Variants in CDH18 observed in about 807,000 individuals in gnomAD.
The protein encoded by CDH18 is cadherin-18.
Under a neutral mutation model 67.9 loss-of-function variants are expected in CDH18, and 31 were observed. That is an observed-to-expected ratio of 0.46 (90% confidence interval 0.34 to 0.62). The LOEUF (loss-of-function observed/expected upper bound fraction) is 0.62. Among genes scored for constraint, CDH18 ranks in the 20% least tolerant of loss-of-function variants. CDH18 has a pLI of 0.01. For missense variants in CDH18, 890 were observed against 975.5 expected (o/e 0.91, Z 1.17); for synonymous variants, 362 against 347.2 (o/e 1.04, Z -0.48).
chr5:20,493,886 A>T (rs1753740640), intron 1 of CDH18, among the ~76,000 whole-genome samples: 1 of 152,056 alleles, frequency 6.6e-6, no homozygotes, highest in Admixed American at 6.6e-5. Context: ...GTCCATTTCC[A>T]TACTCAGTCT....
At chr5:20,262,255 A>G (rs550715828) in intron 1 of CDH18, among the ~76,000 whole-genome samples, 51 of 152,330 alleles carry the variant, frequency 3.3e-4, no homozygotes, top group African/African-American at 1.2e-3. Flanking sequence ...TCATTAGCTA[A>G]TGAGATGTGC....
At chr5:20,519,184 A>G (rs184180696) in intron 1 of CDH18, among the ~76,000 whole-genome samples, 6 of 152,318 alleles carry the variant, frequency 3.9e-5, no homozygotes, top group East Asian at 3.9e-4. Context: ...AAAAATGACA[A>G]AGACACTTTC....
intron 1 of CDH18, among the ~76,000 whole-genome samples, chr5:19,982,451 A>G (rs1032923917): frequency 6.6e-6 from 1 of 152,166 alleles, no homozygotes; most frequent in Non-Finnish European, 1.5e-5. Context: ...CATAAAATTT[A>G]GTATCAAGCT....
intron 2 of CDH18, among the ~76,000 whole-genome samples, chr5:19,850,861 C>A (rs16888191): frequency 0.017 from 2,566 of 151,866 alleles, 66 homozygotes; most frequent in African/African-American, 0.058. Flanking sequence ...TTATTTGCAA[C>A]GTGCTGTACA....
At position 19,574,730 on chromosome 5, in the gene CDH18, C is replaced by G. The variant is rs1279670887; in HGVS notation, c.1000-2898G>C. 2.1e-4 allele frequency among the ~76,000 whole-genome samples: 32 copies of G among 149,802 alleles called. No homozygotes were observed. The East Asian group carries it at 6.0e-3, about 28-fold the overall frequency. On this transcript the variant is annotated intron_variant, in intron 7 of 12. Transcript: ENST00000382275. ...TGAGTAAACTATTAAAGTTGTCTTC[C>G]ACGCTTTCTTAGTTAAAAAAAAAAA...
rs141378092 is a variant in CDH18 at position 19,475,455 on chromosome 5, C to G, written c.1883-1739G>C. ...ATCAGAATTCAAAATATGGTTTCTA[C>G]TGAATGCATATTGCTTTCACATCCT... On this transcript the variant is annotated intron_variant, in intron 12 of 12. Transcript: ENST00000382275. 2.2e-3 allele frequency among the ~76,000 whole-genome samples: 331 copies of G among 151,440 alleles called. 1 individual carries two copies. The highest frequency in any genetic ancestry group is 7.4e-3 in the African/African-American group (307 of 41,312).
At chr5:19,502,721 C>T in intron 11 of CDH18, 1 of 485,658 alleles carries the variant, frequency 2.1e-6, no homozygotes, top group South Asian at 4.1e-5. Context: ...ACAAGTTTGT[C>T]AGCTAAGATT....
intron 2 of CDH18, among the ~76,000 whole-genome samples, chr5:20,238,677 C>T (rs1398876223): frequency 3.9e-5 from 6 of 152,120 alleles, no homozygotes; most frequent in Non-Finnish European, 8.8e-5. Context: ...AGCTATTCCA[C>T]TCCTTGGCAT....
chr5:20,486,675 A>ATTT (rs11461266), intron 1 of CDH18, among the ~76,000 whole-genome samples: 1 of 145,212 alleles, frequency 6.9e-6, no homozygotes, highest in African/African-American at 2.6e-5. Flanking sequence ...ACCTGTTGCT[A>ATTT]TTTTTGTATA....
At chr5:20,004,962 A>G (rs1355277141) in intron 2 of CDH18, among the ~76,000 whole-genome samples, 1 of 152,212 alleles carries the variant, frequency 6.6e-6, no homozygotes, top group East Asian at 1.9e-4. Context: ...AGGAGTTCCA[A>G]ATAACAGAAA....
At chr5:19,647,037 A>C (rs765653193) in intron 5 of CDH18, among the ~76,000 whole-genome samples, 30 of 152,162 alleles carry the variant, frequency 2.0e-4, no homozygotes, top group Non-Finnish European at 4.0e-4. Flanking sequence ...TTGCAAAGTT[A>C]ATCATAGATT....
upstream of CDH18, among the ~76,000 whole-genome samples, chr5:19,992,865 T>A (rs1224988345): frequency 6.6e-6 from 1 of 152,132 alleles, no homozygotes; most frequent in East Asian, 1.9e-4. Context: ...TACTACAATT[T>A]TTGAGTGTTG....
At chr5:19,719,846 A>G (rs1035718288) in intron 5 of CDH18, among the ~76,000 whole-genome samples, 5 of 151,560 alleles carry the variant, frequency 3.3e-5, no homozygotes, top group African/African-American at 7.3e-5. Flanking sequence ...TTTTAAGGTA[A>G]AAGAAAGAGA....
chr5:20,392,246 C>T (rs1047595584), intron 1 of CDH18, among the ~76,000 whole-genome samples: 18 of 151,632 alleles, frequency 1.2e-4, no homozygotes, highest in Non-Finnish European at 4.4e-5. Context: ...ATTTATTATA[C>T]AAGTTGAAAA....
At chr5:20,345,942 A>T (rs1047549043) in intron 1 of CDH18, among the ~76,000 whole-genome samples, 1 of 152,204 alleles carries the variant, frequency 6.6e-6, no homozygotes, top group Non-Finnish European at 1.5e-5. Flanking sequence ...AAAGAATTTC[A>T]CTTTACTGTC....
At chr5:19,606,600 T>C (rs1306619643) in intron 6 of CDH18, among the ~76,000 whole-genome samples, 1 of 151,874 alleles carries the variant, frequency 6.6e-6, no homozygotes, top group Non-Finnish European at 1.5e-5. Context: ...TGTACTAGAA[T>C]ATAGGTTAAT....
At chr5:19,556,005 T>C (rs1221663751) in intron 8 of CDH18, among the ~76,000 whole-genome samples, 2 of 152,082 alleles carry the variant, frequency 1.3e-5, no homozygotes, top group Non-Finnish European at 2.9e-5. Context: ...ACTGGGTGGC[T>C]AGAGCTAGAG....
At chr5:20,171,056 A>G (rs1303935760) in intron 2 of CDH18, among the ~76,000 whole-genome samples, 1 of 149,998 alleles carries the variant, frequency 6.7e-6, no homozygotes, top group Non-Finnish European at 1.5e-5. Context: ...TTTTATATAT[A>G]TATATAGCTG....
Position 20,531,236 on chromosome 5 carries a change from T to C in CDH18, c.-580+44226A>G, listed in dbSNP as rs142309510. ...ATGGTGATAATTAAAAAGTCAAGAA[T>C]CAACAGATGCTGGTGAGGTTGTGGA... On this transcript the variant is annotated intron_variant, in intron 1 of 14. Coordinates refer to the CDH18 transcript ENST00000507958. 4.3e-4 allele frequency among the ~76,000 whole-genome samples: 65 copies of C among 152,026 alleles called. No individual in the cohort carries two copies. In the East Asian group the frequency reaches 0.011, roughly 26 times the overall value.
Sources: gnomAD v4.1 joint callset for allele counts (sites outside exome capture counted in the v4.1 genomes callset) on GRCh38, gnomAD v4.1.1 for gene constraint, MANE v1.5 for transcripts, NCBI Gene and HGNC (gene_info 2026-07-23, HGNC 2026-07-21) for gene names.